GON7: variants seen among roughly 807,000 people sequenced by gnomAD.
GON7 encodes the protein GON7 subunit of KEOPS complex.
GON7 carries 2 observed loss-of-function variants against 7.6 expected under a neutral mutation model. That is an observed-to-expected ratio of 0.26 (90% CI 0.11 to 0.83). The LOEUF is 0.83. Among genes scored for constraint, GON7 ranks in the 40% least tolerant of loss-of-function variants. GON7 has a pLI of 0.65. For synonymous variants in GON7, 54 were observed against 56.6 expected, an observed-to-expected ratio of 0.95 and a Z score of 0.20; for missense variants, 121 against 132.2, an observed-to-expected ratio of 0.92 and a Z score of 0.42.
chr14:93,204,240 C>T (rs1477695823), intron 1 of GON7, among the ~76,000 whole-genome samples: 1 of 152,118 alleles, frequency 6.6e-6, no homozygotes, highest in Non-Finnish European at 1.5e-5. Context: ...GTGATCCGCC[C>T]GCCTCGGCCT....
At chr14:93,204,314 G>C (rs1421852387) in intron 1 of GON7, among the ~76,000 whole-genome samples, 1 of 152,170 alleles carries the variant, frequency 6.6e-6, no homozygotes, top group Admixed American at 6.5e-5. Context: ...CTTTTAAAAA[G>C]TGTACGGCCT....
chr14:93,205,406 A>C (rs544427955), intron 1 of GON7, among the ~76,000 whole-genome samples: 1 of 152,304 alleles, frequency 6.6e-6, no homozygotes, highest in South Asian at 2.1e-4. Context: ...GTGGTGGCTC[A>C]CGCCTGTAAT....
chr14:93,206,776 C>T (rs1894354029), intron 1 of GON7, 54 bp downstream of exon 1: 1 of 1,534,964 alleles, frequency 6.5e-7, no homozygotes, highest in Non-Finnish European at 8.8e-7. Flanking sequence ...AAGCCAATTT[C>T]CCCTGGGCGC....
chr14:93,206,363 GGCAGGAACTGAGTC>G (rs1447823454), intron 1 of GON7, among the ~76,000 whole-genome samples: 2 of 151,490 alleles, frequency 1.3e-5, no homozygotes, highest in Non-Finnish European at 2.9e-5. Context: ...GTTTCACAAG[GGCAGGAACTGAGTC>G]GCATTCACCT....
chr14:93,207,003 C>A lies in GON7; in HGVS notation c.35G>T (p.Gly12Val), dbSNP rs1440481593. The A allele has an allele frequency of 6.2e-7, 1 of 1,613,794 alleles. No individual in the cohort carries two copies. Among genetic ancestry groups the A allele is most frequent in the Non-Finnish European group, 8.5e-7 (1 of 1,180,032 alleles). Residue 12 changes from glycine (G) to valine (V), a missense_variant, in exon 1 of 2, where the codon GGG becomes GTG. Transcript: ENST00000306954. ...ELLGEYVGQE[G>V]KPQKLRVSCE... ...GGACACCCGCAGCTTCTGCGGCTTC[C>A]CTTCCTGCCCGACGTACTCTCCCAG...
chr14:93,203,712 T>C lies in GON7; in HGVS notation c.279A>G (p.Ala93=). 1.2e-6 allele frequency: 2 copies of C among 1,614,138 alleles called. No homozygotes were observed. The highest frequency in any genetic ancestry group is 1.7e-6 in the Non-Finnish European group (2 of 1,180,000). Residue 93 remains alanine, a synonymous_variant, in exon 2 of 2, where the codon GCA becomes GCG. Transcript: ENST00000306954. ...GTTAAGACGGTGTTTTTGGCCGTTT[T>C]GCAGATGGTCCATCGAAGTTAGTTC... ...DNRTNFDGPS[A]KRPKTPS is the part of the protein sequence containing the mutation.
chr14:93,206,787 C>T, intron 1 of GON7, 43 bp downstream of exon 1: 2 of 1,565,042 alleles, frequency 1.3e-6, no homozygotes, highest in Non-Finnish European at 1.7e-6. Flanking sequence ...CCCTGGGCGC[C>T]CGCCCCGTCC....
At chr14:93,206,014 CTT>C (rs899338161) in intron 1 of GON7, among the ~76,000 whole-genome samples, 4 of 150,608 alleles carry the variant, frequency 2.7e-5, no homozygotes, top group Non-Finnish European at 5.9e-5. Flanking sequence ...CTTTTTTTTT[CTT>C]TTTTTTTGAG....
chr14:93,207,017 G>T lies in GON7; in HGVS notation c.21C>A (p.Tyr7Ter), dbSNP rs1218573239. The change falls in exon 1 of 2, where the codon TAC becomes TAA. Residue 7 changes from tyrosine to a stop codon, truncating the protein, a stop_gained. Coordinates refer to ENST00000306954, the MANE Select transcript of GON7 (RefSeq NM_032490.5). LOFTEE classifies it high-confidence loss of function. MELLGEYVGQEGKPQKL... is the reference protein window; with the variant it reads MELLGE The stretch of plus-strand genomic sequence containing the variant: ...TCTGCGGCTTCCCTTCCTGCCCGAC[G>T]TACTCTCCCAGCAGCTCCATGGTGA... 3.7e-6 allele frequency: 6 copies of T among 1,613,552 alleles called. No homozygotes were observed. The highest frequency in any genetic ancestry group is 5.1e-6 in the Non-Finnish European group (6 of 1,179,968).
intron 1 of GON7, 67 bp from the exon 2 acceptor site, chr14:93,203,849 G>C (rs1894294307): frequency 1.6e-6 from 2 of 1,245,924 alleles, no homozygotes; most frequent in Admixed American, 1.9e-5. Flanking sequence ...TATAGCTAAA[G>C]TGGTTGATAA....
chr14:93,203,456 G>T lies in GON7; in HGVS notation c.*232C>A, dbSNP rs1894287042. ...CTTAGAGGATTTTATACATTATGAA[G>T]TGTTCTATTTTCCTTCCAGGGTCTG... On this transcript the variant is annotated 3_prime_UTR_variant, in exon 2 of 2. Coordinates refer to ENST00000306954, the MANE Select transcript of GON7 (RefSeq NM_032490.5). 2.1e-6 allele frequency: 1 copy of T among 482,576 alleles called. No homozygotes were observed. Among genetic ancestry groups the T allele is most frequent in the Non-Finnish European group, 3.7e-6 (1 of 271,962 alleles). 29.9% of individuals were successfully genotyped at this position (482,576 alleles called of 1,614,324 possible).
intron 1 of GON7, among the ~76,000 whole-genome samples, chr14:93,206,131 G>A (rs1894337121): frequency 1.3e-5 from 2 of 151,988 alleles, no homozygotes; most frequent in South Asian, 4.2e-4. Context: ...TCAGCCTCCC[G>A]AGTAGAGTAG....
chr14:93,203,659 C>G lies in GON7; in HGVS notation c.*29G>C. On this transcript the variant is annotated 3_prime_UTR_variant, in exon 2 of 2. Transcript: ENST00000306954. ...TAGTGTGACAATAAGGATACAACAGCCATCTTTTAAATGTCATGAAGGCTA... is the reference window on the plus strand; with the variant it reads ...TAGTGTGACAATAAGGATACAACAGGCATCTTTTAAATGTCATGAAGGCTA... 6.3e-7 allele frequency: 1 copy of G among 1,579,892 alleles called. No homozygotes were observed. Among genetic ancestry groups the G allele is most frequent in the Non-Finnish European group, 8.7e-7 (1 of 1,149,222 alleles).
At chr14:93,206,476 A>G (rs1342332661) in intron 1 of GON7, among the ~76,000 whole-genome samples, 1 of 152,222 alleles carries the variant, frequency 6.6e-6, no homozygotes, top group Non-Finnish European at 1.5e-5. Flanking sequence ...AATAGCGATG[A>G]GTTGTGGAAA....
Position 93,203,388 on chromosome 14 carries a change from T to C in GON7, c.*300A>G, listed in dbSNP as rs1404795283. 18 of 308,980 alleles carry C rather than the reference T, an allele frequency of 5.8e-5. No individual in the cohort carries two copies. The highest frequency in any genetic ancestry group is 4.2e-5 in the Non-Finnish European group (7 of 167,920). 19.1% of individuals were successfully genotyped at this position (308,980 alleles called of 1,614,324 possible). Reference sequence around the variant, plus strand: ...ATGTAGACATCACACAAATCAATGATTATTTTAAAAATAGAAAACAATGAT... The same window carrying C: ...ATGTAGACATCACACAAATCAATGACTATTTTAAAAATAGAAAACAATGAT... On this transcript the variant is annotated 3_prime_UTR_variant, in exon 2 of 2. Transcript: ENST00000306954.
chr14:93,203,916 T>A, intron 1 of GON7, 134 bp from the exon 2 acceptor site: 1 of 591,012 alleles, frequency 1.7e-6, no homozygotes, highest in Non-Finnish European at 2.9e-6. Context: ...TTAAAATGAT[T>A]TTGAGAATTT....
At chr14:93,206,698 T>G (rs1038695774) in intron 1 of GON7, 132 bp downstream of exon 1, 2 of 1,043,596 alleles carry the variant, frequency 1.9e-6, no homozygotes, top group East Asian at 5.4e-5. Flanking sequence ...CGCCAAAAAT[T>G]TTTAGATGCA....
rs1220095454 is a variant in GON7, at chr14:93,203,406, A to G, written c.*282T>C. ...TCAATGATTATTTTAAAAATAGAAA[A>G]CAATGATAAAAATTCAGTTGCCAAC... is the stretch of plus-strand genomic sequence containing the variant. On this transcript the variant is annotated 3_prime_UTR_variant, in exon 2 of 2. Transcript: ENST00000306954. 8.5e-6 allele frequency: 3 copies of G among 352,890 alleles called. No homozygotes were observed. The Admixed American group carries it at 1.3e-4, about 15-fold the overall frequency. 21.9% of individuals were successfully genotyped at this position (352,890 alleles called of 1,614,324 possible). A position where few individuals can be genotyped will look rare whatever the true frequency, so the allele number is the denominator to read the frequency against.
intron 1 of GON7, 36 bp downstream of exon 1, chr14:93,206,794 G>A (rs1482485145): frequency 6.3e-7 from 1 of 1,580,208 alleles, no homozygotes; most frequent in South Asian, 1.1e-5. Context: ...CGCCCGCCCC[G>A]TCCTCCGGTC....
Sources: gnomAD v4.1 joint callset for allele counts (sites outside exome capture counted in the v4.1 genomes callset) on GRCh38, gnomAD v4.1.1 for gene constraint, MANE v1.5 for transcripts, NCBI Gene and HGNC (gene_info 2026-07-23, HGNC 2026-07-21) for gene names.